CACNA2D2: variants seen among roughly 807,000 people sequenced by gnomAD.
CACNA2D2 encodes the protein calcium voltage-gated channel auxiliary subunit alpha2delta 2.
A neutral mutation model predicts 166.4 loss-of-function variants in CACNA2D2; 48 were observed. The observed-to-expected ratio is 0.29, with a 90% CI of 0.23 to 0.37. The LOEUF (loss-of-function observed/expected upper bound fraction) is 0.37. Ranked by LOEUF, CACNA2D2 falls within the 10% of genes least tolerant of loss-of-function variation. The pLI, the probability that CACNA2D2 is intolerant of heterozygous loss-of-function variation, is 1.00. For missense variants in CACNA2D2, 1,122 were observed against 1,433.0 expected, an observed-to-expected ratio of 0.78 and a Z score of 3.50; for synonymous variants, 561 against 573.7, an observed-to-expected ratio of 0.98 and a Z score of 0.32.
At position 50,365,920 on chromosome 3, in the gene CACNA2D2, C is replaced by G. The variant is rs587724452; in HGVS notation, c.2863-58G>C. ...GCTGCCCCTCGCCCTAGGTCACCCC[C>G]AGCTTTATCAAATGTCAGAGGTAGG... is the stretch of plus-strand genomic sequence containing the variant. On this transcript the variant is annotated intron_variant, in intron 32 of 37. Coordinates refer to ENST00000424201, the MANE Select transcript of CACNA2D2 (RefSeq NM_006030.4). This position sits in a 1 kb window ranked among gnomAD's most constrained non-coding sequence, Gnocchi z 4.5. The G allele has an allele frequency of 8.7e-6, 14 of 1,612,348 alleles. No individual in the cohort carries two copies. The East Asian group carries it at 2.9e-4, about 33-fold the overall frequency.
chr3:50,370,543 A>T (rs1437139744), intron 22 of CACNA2D2, among the ~76,000 whole-genome samples, 163 bp from the exon 23 acceptor site: 1 of 151,772 alleles, frequency 6.6e-6, no homozygotes, highest in Non-Finnish European at 1.5e-5. Flanking sequence ...AGCCAGAGAG[A>T]AGGGACGGGC....
intron 5 of CACNA2D2, among the ~76,000 whole-genome samples, chr3:50,386,067 C>G (rs944812304): frequency 4.0e-5 from 6 of 151,626 alleles, no homozygotes; most frequent in Non-Finnish European, 4.4e-5. Context: ...AACAACACAA[C>G]AAGCAGGGGA....
chr3:50,441,763 G>A (rs936092899), intron 2 of CACNA2D2, among the ~76,000 whole-genome samples: 1 of 152,394 alleles, frequency 6.6e-6, no homozygotes, highest in South Asian at 2.1e-4. Context: ...GTTAAGGCCT[G>A]TATCTCAGGG....
chr3:50,467,271 A>G lies in CACNA2D2; in HGVS notation c.288+8847T>C, dbSNP rs146297616. Among the ~76,000 whole-genome samples the G allele has an allele frequency of 4.1e-3, 622 of 152,284 alleles. 9 individuals are homozygous for G. The highest frequency in any genetic ancestry group is 0.014 in the African/African-American group (568 of 41,562). Reference sequence around the variant, plus strand: ...TCCATACCCTCACAAAGAGCAATCCAGGGATCATCTATGTGGGGTTGAGTC... The same window carrying G: ...TCCATACCCTCACAAAGAGCAATCCGGGGATCATCTATGTGGGGTTGAGTC... On this transcript the variant is annotated intron_variant, in intron 2 of 37. Transcript: ENST00000424201.
chr3:50,441,954 C>T (rs986176351), intron 2 of CACNA2D2, among the ~76,000 whole-genome samples: 1 of 152,212 alleles, frequency 6.6e-6, no homozygotes, highest in African/African-American at 2.4e-5. Flanking sequence ...GTGAGCCCCC[C>T]ACCACAGGGA....
chr3:50,399,874 G>C (rs138650894), intron 3 of CACNA2D2, among the ~76,000 whole-genome samples: 1,726 of 152,206 alleles, frequency 0.011, 29 homozygotes, highest in Middle Eastern at 0.051. Context: ...TCCTAGGAGA[G>C]AGGATCAGTA....
chr3:50,366,906 C>T lies in CACNA2D2; in HGVS notation c.2514G>A (p.Lys838=). The T allele has an allele frequency of 6.2e-7, 1 of 1,613,732 alleles. No individual in the cohort carries two copies. Among genetic ancestry groups the T allele is most frequent in the Non-Finnish European group, 8.5e-7 (1 of 1,180,020 alleles). The stretch of plus-strand genomic sequence containing the variant: ...TCTCAGCCCAAGCCTCTAGGTCCAG[C>T]TTGACGCCCACCACTTTGGGGGAGA... ...RTLRPAVVGV[K]LDLEAWAEKF... The change falls in exon 29 of 38, where the codon AAG becomes AAA. Residue 838 remains lysine (K), a synonymous_variant. Transcript: ENST00000424201. This position sits in a 1 kb window ranked among gnomAD's most constrained non-coding sequence, Gnocchi z 5.9.
intron 3 of CACNA2D2, among the ~76,000 whole-genome samples, chr3:50,413,636 C>T (rs1314397492): frequency 6.6e-6 from 1 of 152,098 alleles, no homozygotes; most frequent in Non-Finnish European, 1.5e-5. Context: ...CACTTGAGGC[C>T]AGGAGTTCGA....
rs563561930 is a variant in CACNA2D2, at chr3:50,463,915, A to C, written c.288+12203T>G. ...AGCTCAGCTGAGAGGAGTCCAACAC[A>C]GTTTGGATGAAGCCCAGCGCACCTG... On this transcript the variant is annotated intron_variant, in intron 2 of 37. Transcript: ENST00000424201. Among the ~76,000 whole-genome samples the C allele has an allele frequency of 3.3e-5, 5 of 152,344 alleles. No homozygotes were observed. The South Asian group carries it at 1.0e-3, about 32-fold the overall frequency.
Position 50,367,565 on chromosome 3 carries a change from G to C in CACNA2D2, c.2298-68C>G, listed in dbSNP as rs1424577725. The C allele has an allele frequency of 1.9e-6, 3 of 1,600,484 alleles. No homozygotes were observed. The highest frequency in any genetic ancestry group is 2.6e-6 in the Non-Finnish European group (3 of 1,170,240). On this transcript the variant is annotated intron_variant, in intron 26 of 37. Coordinates refer to ENST00000424201, the MANE Select transcript of CACNA2D2 (RefSeq NM_006030.4). The surrounding 1 kb of genome is among the most constrained non-coding windows in gnomAD (Gnocchi z 6.5). ...GTCGGGGACAGTGGTCTCCACAGAT[G>C]CAAGGAGGCCTCTGGGCAGAACAGA...
intron 1 of CACNA2D2, among the ~76,000 whole-genome samples, chr3:50,490,713 T>C (rs957205321): frequency 6.6e-6 from 1 of 152,158 alleles, no homozygotes; most frequent in Non-Finnish European, 1.5e-5. Flanking sequence ...GTTCAGCACA[T>C]ATGGATTGAG....
chr3:50,458,030 C>A (rs1181305456), intron 2 of CACNA2D2, among the ~76,000 whole-genome samples: 1 of 152,190 alleles, frequency 6.6e-6, no homozygotes, highest in Non-Finnish European at 1.5e-5. Context: ...TAATGCCCTC[C>A]CCCAGCCATG....
At chr3:50,462,147 G>T (rs1163331807) in intron 2 of CACNA2D2, among the ~76,000 whole-genome samples, 3 of 152,108 alleles carry the variant, frequency 2.0e-5, no homozygotes. Flanking sequence ...ACTTTGGGAG[G>T]CCGAGGCAGG....
chr3:50,450,465 A>C (rs1421795046), intron 2 of CACNA2D2, among the ~76,000 whole-genome samples: 1 of 152,106 alleles, frequency 6.6e-6, no homozygotes, highest in African/African-American at 2.4e-5. Flanking sequence ...GTTTAAGGAA[A>C]TGAATCTCGA....
chr3:50,485,525 T>C (rs111733050), intron 1 of CACNA2D2, among the ~76,000 whole-genome samples: 8 of 152,274 alleles, frequency 5.3e-5, no homozygotes, highest in African/African-American at 1.9e-4. Context: ...ATAATCATTA[T>C]AAACGTTGAG....
At chr3:50,450,128 C>T (rs1361114993) in intron 2 of CACNA2D2, among the ~76,000 whole-genome samples, 1 of 152,210 alleles carries the variant, frequency 6.6e-6, no homozygotes, top group Non-Finnish European at 1.5e-5. Flanking sequence ...AACCTGAAAG[C>T]CCAATATTCT....
intron 2 of CACNA2D2, among the ~76,000 whole-genome samples, chr3:50,438,257 TG>T: frequency 6.6e-6 from 1 of 152,278 alleles, no homozygotes; most frequent in South Asian, 2.1e-4. Flanking sequence ...ATGGCTCAGC[TG>T]GTGCCCTCCT....
intron 4 of CACNA2D2, among the ~76,000 whole-genome samples, chr3:50,393,343 A>G (rs531418826): frequency 1.3e-5 from 2 of 152,138 alleles, no homozygotes; most frequent in Non-Finnish European, 2.9e-5. Flanking sequence ...AGCCCTGCCA[A>G]CTAGTCTGGT....
chr3:50,403,315 C>T (rs1254798122), intron 3 of CACNA2D2, among the ~76,000 whole-genome samples: 1 of 152,126 alleles, frequency 6.6e-6, no homozygotes. Context: ...ACTCCAGGGG[C>T]CTCCTGACTG....
Sources: allele counts gnomAD v4.1 joint callset (sites outside exome capture counted in the v4.1 genomes callset), GRCh38; gene constraint gnomAD v4.1.1; non-coding constraint Gnocchi (gnomAD v3.1); transcripts MANE v1.5; gene names NCBI Gene and HGNC (gene_info 2026-07-23, HGNC 2026-07-21).